The following RALGAPA1 variants were observed in gnomAD, a reference collection of about 807,000 sequenced individuals.
The protein encoded by RALGAPA1 is ral GTPase-activating protein subunit alpha-1.
Under a neutral mutation model 269.6 loss-of-function variants are expected in RALGAPA1, and 52 were observed. The observed-to-expected ratio is 0.19, with a 90% confidence interval of 0.15 to 0.24. RALGAPA1 has a LOEUF of 0.24. Ranked by LOEUF, RALGAPA1 falls within the 10% of genes least tolerant of loss-of-function variation. The probability of loss-of-function intolerance (pLI) is 1.00; values close to 1 mark genes in which losing one functional copy is unlikely to be tolerated. For missense variants in RALGAPA1, 1,917 were observed against 3,013.9 expected, an observed-to-expected ratio of 0.64 and a Z score of 8.52; for synonymous variants, 817 against 1,008.3, an observed-to-expected ratio of 0.81 and a Z score of 3.60.
At chr14:35,602,508 T>C (rs1017400287) in intron 36 of RALGAPA1, among the ~76,000 whole-genome samples, 1 of 152,212 alleles carries the variant, frequency 6.6e-6, no homozygotes, top group African/African-American at 2.4e-5. Flanking sequence ...TATAGTTATC[T>C]TAATGGGTGT....
At chr14:35,736,058 G>A (rs866484961) in intron 12 of RALGAPA1, among the ~76,000 whole-genome samples, 10 of 152,106 alleles carry the variant, frequency 6.6e-5, no homozygotes, top group Middle Eastern at 3.2e-3. Context: ...AGGTGGGCAG[G>A]GCAGAAGCAG....
At chr14:35,806,053 A>G (rs964640530) in intron 1 of RALGAPA1, among the ~76,000 whole-genome samples, 1 of 152,146 alleles carries the variant, frequency 6.6e-6, no homozygotes, top group Non-Finnish European at 1.5e-5. Context: ...TATTTTAAAT[A>G]TTTGTTATGA....
chr14:35,780,500 A>G (rs2075357735), intron 1 of RALGAPA1, among the ~76,000 whole-genome samples: 20 of 152,248 alleles, frequency 1.3e-4, no homozygotes, highest in Admixed American at 1.3e-3. Flanking sequence ...ATTTAAAAGG[A>G]CTGAAGACAA....
At chr14:35,612,622 TC>T (rs1278939296) in intron 35 of RALGAPA1, among the ~76,000 whole-genome samples, 4 of 150,578 alleles carry the variant, frequency 2.7e-5, no homozygotes, top group Non-Finnish European at 4.4e-5. Flanking sequence ...CACTGCAAGC[TC>T]CGCTTCCCAG....
At chr14:35,644,519 A>AT (rs1220053257) in intron 31 of RALGAPA1, among the ~76,000 whole-genome samples, 1 of 152,264 alleles carries the variant, frequency 6.6e-6, no homozygotes, top group Non-Finnish European at 1.5e-5. Flanking sequence ...CAAATAACTT[A>AT]TGAACACATT....
At chr14:35,576,172 G>A (rs552379406) in intron 37 of RALGAPA1, among the ~76,000 whole-genome samples, 1 of 152,216 alleles carries the variant, frequency 6.6e-6, no homozygotes, top group South Asian at 2.1e-4. Context: ...CTTGTGTATG[G>A]AATAGAATTA....
In RALGAPA1 at chr14:35,682,670, C is replaced by T. The variant is rs137880246; in HGVS notation, c.4471+1139G>A. 5.5e-3 allele frequency among the ~76,000 whole-genome samples: 835 copies of T among 152,242 alleles called. 7 individuals carry two copies. The highest frequency in any genetic ancestry group is 0.018 in the African/African-American group (750 of 41,546). On this transcript the variant is annotated intron_variant, in intron 21 of 41. Transcript: ENST00000680220. ...AGGGTCTCATTGTAGTTTTTATTTGCATTCTCTGGTTACTATCAATGTTAA... is the reference window on the plus strand; with the variant it reads ...AGGGTCTCATTGTAGTTTTTATTTGTATTCTCTGGTTACTATCAATGTTAA...
At chr14:35,677,918 A>G (rs745737801) in intron 22 of RALGAPA1, 32 bp downstream of exon 22, 15 of 1,604,716 alleles carry the variant, frequency 9.3e-6, no homozygotes, top group Non-Finnish European at 1.2e-5. Flanking sequence ...CCCTAAAAGA[A>G]AAAAGGTAAA....
At chr14:35,609,550 T>C (rs187931223) in intron 35 of RALGAPA1, among the ~76,000 whole-genome samples, 18 of 152,232 alleles carry the variant, frequency 1.2e-4, no homozygotes, top group African/African-American at 4.3e-4. Context: ...ATGCCTCTAT[T>C]AAAAAAGATT....
chr14:35,572,920 A>C, intron 37 of RALGAPA1: 3 of 341,322 alleles, frequency 8.8e-6, no homozygotes, highest in Admixed American at 4.8e-5. Flanking sequence ...TCAATAATCA[A>C]TGGGTAACAG....
intron 21 of RALGAPA1, among the ~76,000 whole-genome samples, chr14:35,682,254 C>T (rs906377601): frequency 5.3e-5 from 8 of 151,428 alleles, no homozygotes; most frequent in South Asian, 2.1e-4. Flanking sequence ...GCAATGTATG[C>T]GATTCTAGTT....
At chr14:35,605,289 C>G (rs2059532163) in intron 36 of RALGAPA1, among the ~76,000 whole-genome samples, 1 of 152,066 alleles carries the variant, frequency 6.6e-6, no homozygotes, top group South Asian at 2.1e-4. Context: ...CCATTAGGTC[C>G]TAGTTTGAAG....
At chr14:35,677,707 T>A (rs1300825635) in intron 22 of RALGAPA1, 1 of 421,828 alleles carries the variant, frequency 2.4e-6, no homozygotes, top group African/African-American at 2.1e-5. Flanking sequence ...AATACAATAC[T>A]TGAAAATAAT....
intron 39 of RALGAPA1, 57 bp downstream of exon 39, chr14:35,570,560 T>C: frequency 7.3e-7 from 1 of 1,373,054 alleles, no homozygotes; most frequent in Non-Finnish European, 9.8e-7. Context: ...AAGAAATATT[T>C]ACCTTTGTGA....
In RALGAPA1 at chr14:35,722,928, T is replaced by G. The variant is rs892432147; in HGVS notation, c.2104+99A>C. The G allele has an allele frequency of 5.2e-5, 32 of 612,442 alleles. 1 individual carries two copies. The Middle Eastern group carries it at 8.1e-4, about 15-fold the overall frequency. The allele number at this position is 612,442 out of a possible 1,614,324, so 37.9% of individuals were successfully genotyped here. ...ATTCTTAAAAATAAAATATTTAAGA[T>G]TCTACTTATTTCACCCTCACCCCTC... On this transcript the variant is annotated intron_variant, in intron 15 of 41. Coordinates refer to ENST00000680220, the MANE Select transcript of RALGAPA1 (RefSeq NM_001346249.2).
At chr14:35,691,803 T>C (rs1595163370) in intron 17 of RALGAPA1, among the ~76,000 whole-genome samples, 1 of 152,176 alleles carries the variant, frequency 6.6e-6, no homozygotes, top group Non-Finnish European at 1.5e-5. Flanking sequence ...GATATACTAG[T>C]AGGCTCTCAA....
At chr14:35,787,066 A>G (rs71421960) in intron 1 of RALGAPA1, among the ~76,000 whole-genome samples, 18,481 of 152,250 alleles carry the variant, frequency 0.12, 1,192 homozygotes, top group South Asian at 0.14. Context: ...TCATTTAGAT[A>G]TGACTCTTCT....
At chr14:35,778,061 C>T (rs1198105722) in intron 1 of RALGAPA1, among the ~76,000 whole-genome samples, 1 of 148,682 alleles carries the variant, frequency 6.7e-6, no homozygotes, top group Admixed American at 6.6e-5. Context: ...TACGAATATT[C>T]ATTACAATTT....
chr14:35,775,824 TTCAAAG>T lies in RALGAPA1; in HGVS notation c.107-85_107-80del, dbSNP rs537609930. ...AGCAAATATTCAGCGACAAGTTTCC[TTCAAAG>T]TCAAAGAACTGCTCCTAAAATTCTA... On this transcript the variant is annotated intron_variant, in intron 1 of 41. Coordinates refer to ENST00000680220, the MANE Select transcript of RALGAPA1 (RefSeq NM_001346249.2). 1.3e-3 allele frequency: 1,680 copies of T among 1,335,038 alleles called. 2 individuals are homozygous for T. The highest frequency in any genetic ancestry group is 2.9e-3 in the South Asian group (144 of 50,322). The allele number at this position is 1,335,038 out of a possible 1,614,324, so 82.7% of individuals were successfully genotyped here. A position where few individuals can be genotyped will look rare whatever the true frequency, so the allele number is the denominator to read the frequency against.
Sources: allele counts gnomAD v4.1 joint callset (sites outside exome capture counted in the v4.1 genomes callset), GRCh38; gene constraint gnomAD v4.1.1; transcripts MANE v1.5; gene names NCBI Gene and HGNC (gene_info 2026-07-23, HGNC 2026-07-21).